Variants in PARD3B observed in about 807,000 individuals in gnomAD.
PARD3B encodes the protein partitioning defective 3 homolog B.
PARD3B carries 103 observed loss-of-function variants against 130.2 expected under a neutral mutation model. The ratio of observed to expected loss-of-function variants is 0.79; its 90% CI spans 0.67 to 0.93. The LOEUF is 0.93. Among genes scored for constraint, PARD3B ranks in the 40% least tolerant of loss-of-function variants. The probability of loss-of-function intolerance (pLI) is 0.00; values close to 1 mark genes in which losing one functional copy is unlikely to be tolerated. For synonymous variants in PARD3B, 583 were observed against 553.2 expected, an observed-to-expected ratio of 1.05 and a Z score of -0.76; for missense variants, 1,609 against 1,499.2, an observed-to-expected ratio of 1.07 and a Z score of -1.21.
At chr2:204,581,038 T>C (rs1027212242) in intron 1 of PARD3B, among the ~76,000 whole-genome samples, 4 of 152,232 alleles carry the variant, frequency 2.6e-5, no homozygotes, top group Non-Finnish European at 5.9e-5. Context: ...ATTATAGTTA[T>C]GAATCCCTAA....
At chr2:204,760,686 G>C (rs2040862561) in intron 2 of PARD3B, among the ~76,000 whole-genome samples, 1 of 152,084 alleles carries the variant, frequency 6.6e-6, no homozygotes, top group African/African-American at 2.4e-5. Flanking sequence ...GGAAGGTGTG[G>C]AAAGCTCTAT....
chr2:204,727,864 G>A (rs2039306261), intron 2 of PARD3B, among the ~76,000 whole-genome samples: 1 of 152,144 alleles, frequency 6.6e-6, no homozygotes, highest in Non-Finnish European at 1.5e-5. Context: ...AAATCCCTCT[G>A]TGTGCAGCCT....
At position 205,556,876 on chromosome 2, in the gene PARD3B, C is replaced by A. The variant is rs140734682; in HGVS notation, c.3260+3473C>A. Among the ~76,000 whole-genome samples the A allele has an allele frequency of 3.7e-3, 567 of 152,284 alleles. 5 individuals carry two copies. Among genetic ancestry groups the A allele is most frequent in the Middle Eastern group, 0.014 (4 of 294 alleles). ...ACATCAACGTATGTGTTTTTGCAAACGGCTCCTTTTTCACTCCAGCCTGCC... is the reference window on the plus strand; with the variant it reads ...ACATCAACGTATGTGTTTTTGCAAAAGGCTCCTTTTTCACTCCAGCCTGCC... On this transcript the variant is annotated intron_variant, in intron 22 of 22. Coordinates refer to ENST00000406610, the MANE Select transcript of PARD3B (RefSeq NM_001302769.2).
At chr2:205,505,441 A>G (rs2050324744) in intron 21 of PARD3B, among the ~76,000 whole-genome samples, 1 of 152,202 alleles carries the variant, frequency 6.6e-6, no homozygotes, top group Non-Finnish European at 1.5e-5. Context: ...TAAGGTTTGT[A>G]AATATGGACT....
At chr2:205,437,642 G>C (rs1355217510) in intron 19 of PARD3B, among the ~76,000 whole-genome samples, 1 of 152,066 alleles carries the variant, frequency 6.6e-6, no homozygotes, top group Non-Finnish European at 1.5e-5. Flanking sequence ...GGACGGTGCA[G>C]ATCTGGGCAA....
intron 2 of PARD3B, among the ~76,000 whole-genome samples, chr2:204,694,222 C>G (rs1411118198): frequency 1.3e-5 from 2 of 151,960 alleles, no homozygotes; most frequent in Admixed American, 1.3e-4. Flanking sequence ...GTATTTTATC[C>G]CAGTCAACAT....
intron 18 of PARD3B, among the ~76,000 whole-genome samples, chr2:205,371,187 G>A (rs2044801802): frequency 6.6e-6 from 1 of 152,158 alleles, no homozygotes; most frequent in Non-Finnish European, 1.5e-5. Context: ...TGTTTCGAGA[G>A]AGAAATGAAT....
chr2:204,673,840 TA>T lies in PARD3B; in HGVS notation c.121-12340del, dbSNP rs1290734850. Among the ~76,000 whole-genome samples the T allele has an allele frequency of 6.6e-6, 1 of 152,234 alleles. No homozygotes were observed. Among genetic ancestry groups the T allele is most frequent in the Non-Finnish European group, 1.5e-5 (1 of 68,040 alleles). The stretch of plus-strand genomic sequence containing the variant: ...TTATTCCTTCCAAGAGCTGGATTTT[TA>T]TTCTCTTTTTTCTTAGATGTTGCAA... On this transcript the variant is annotated intron_variant, in intron 1 of 22. Transcript: ENST00000406610. The surrounding 1 kb of genome is among the most constrained non-coding windows in gnomAD (Gnocchi z 4.7).
At chr2:204,815,040 G>C (rs1477356854) in intron 2 of PARD3B, among the ~76,000 whole-genome samples, 1 of 151,750 alleles carries the variant, frequency 6.6e-6, no homozygotes, top group African/African-American at 2.4e-5. Context: ...GTTTCTGTAT[G>C]ATTGTCAGGG....
chr2:205,606,182 C>T (rs2054989920), intron 22 of PARD3B, among the ~76,000 whole-genome samples: 1 of 139,958 alleles, frequency 7.1e-6, no homozygotes, highest in South Asian at 2.3e-4. Context: ...AAGCAGTCTG[C>T]AGCCAAGTGG....
At chr2:204,807,561 G>A (rs2042815370) in intron 2 of PARD3B, among the ~76,000 whole-genome samples, 1 of 152,188 alleles carries the variant, frequency 6.6e-6, no homozygotes, top group South Asian at 2.1e-4. Context: ...TATTGCAGCA[G>A]TATTAACAAT....
intron 15 of PARD3B, among the ~76,000 whole-genome samples, chr2:205,225,234 A>T (rs1424953287): frequency 6.6e-6 from 1 of 152,140 alleles, no homozygotes; most frequent in African/African-American, 2.4e-5. Context: ...ACAGTGTTTG[A>T]GGGTTCCCTT....
At chr2:204,916,875 G>T (rs1340628095) in intron 2 of PARD3B, among the ~76,000 whole-genome samples, 2 of 152,140 alleles carry the variant, frequency 1.3e-5, no homozygotes, top group South Asian at 4.1e-4. Context: ...TCATTTGTCT[G>T]ACATGTGTTT....
At chr2:205,389,645 G>A (rs1260347152) in intron 18 of PARD3B, among the ~76,000 whole-genome samples, 3 of 152,198 alleles carry the variant, frequency 2.0e-5, no homozygotes, top group African/African-American at 4.8e-5. Flanking sequence ...CGCCCGGCCT[G>A]TTATTTAAAA....
At chr2:205,206,784 C>T (rs961593045) in intron 15 of PARD3B, among the ~76,000 whole-genome samples, 2 of 151,922 alleles carry the variant, frequency 1.3e-5, no homozygotes, top group African/African-American at 4.8e-5. Context: ...TTTAACACCC[C>T]ACTGTCAACA....
intron 2 of PARD3B, among the ~76,000 whole-genome samples, chr2:204,959,378 T>C (rs912095582): frequency 6.6e-6 from 1 of 152,226 alleles, no homozygotes; most frequent in Non-Finnish European, 1.5e-5. Flanking sequence ...CAGTCTATCA[T>C]TGAAGGGCAT....
At chr2:205,466,866 C>T (rs1419702295) in intron 20 of PARD3B, among the ~76,000 whole-genome samples, 1 of 152,204 alleles carries the variant, frequency 6.6e-6, no homozygotes, top group Non-Finnish European at 1.5e-5. Flanking sequence ...GCACCCACCA[C>T]CACACCTGGC....
intron 22 of PARD3B, among the ~76,000 whole-genome samples, chr2:205,594,978 A>G (rs1409606550): frequency 6.6e-6 from 1 of 152,216 alleles, no homozygotes; most frequent in East Asian, 1.9e-4. Context: ...GAACTCAGAA[A>G]ATATTGAGGG....
intron 1 of PARD3B, among the ~76,000 whole-genome samples, chr2:204,589,809 A>C (rs1352004834): frequency 1.3e-5 from 2 of 152,204 alleles, no homozygotes; most frequent in African/African-American, 4.8e-5. Context: ...TTATTTCAGC[A>C]CTGAAATATG....
Sources: allele counts gnomAD v4.1 joint callset (sites outside exome capture counted in the v4.1 genomes callset), GRCh38; gene constraint gnomAD v4.1.1; non-coding constraint Gnocchi (gnomAD v3.1); transcripts MANE v1.5; gene names NCBI Gene and HGNC (gene_info 2026-07-23, HGNC 2026-07-21).